MYO5B: variants seen among roughly 807,000 people sequenced by gnomAD.
MYO5B encodes the protein unconventional myosin-Vb.
MYO5B carries 143 observed loss-of-function variants against 229.3 expected under a neutral mutation model. The observed-to-expected ratio is 0.62, with a 90% CI of 0.54 to 0.72. The LOEUF is 0.72. Ranked by LOEUF, MYO5B falls within the 30% of genes least tolerant of loss-of-function variation. MYO5B has a pLI of 0.00. For missense variants in MYO5B, 2,321 were observed against 2,331.0 expected, an observed-to-expected ratio of 1.00 and a Z score of 0.09; for synonymous variants, 918 against 885.2, an observed-to-expected ratio of 1.04 and a Z score of -0.66.
chr18:50,194,708 T>G, intron 1 of MYO5B, 59 bp downstream of exon 1: 1 of 1,240,632 alleles, frequency 8.1e-7, no homozygotes. Flanking sequence ...CCCTGAGTAC[T>G]AGGTGGCCCC....
intron 1 of MYO5B, among the ~76,000 whole-genome samples, chr18:50,055,908 A>T (rs2030538113): frequency 6.6e-6 from 1 of 152,156 alleles, no homozygotes; most frequent in African/African-American, 2.4e-5. Context: ...AGCCACTTGA[A>T]TTTATCTGTC....
chr18:50,138,188 A>G (rs2032364033), intron 1 of MYO5B, among the ~76,000 whole-genome samples: 1 of 152,242 alleles, frequency 6.6e-6, no homozygotes, highest in Non-Finnish European at 1.5e-5. Context: ...CAACCTTCAC[A>G]TATACCCCGA....
intron 17 of MYO5B, among the ~76,000 whole-genome samples, chr18:49,924,890 A>G (rs1330968817): frequency 6.6e-6 from 1 of 152,202 alleles, no homozygotes; most frequent in East Asian, 1.9e-4. Flanking sequence ...CCTTTCTCCC[A>G]CAAATTGCCC....
At chr18:49,981,982 TAAGTC>T (rs2025820727) in intron 8 of MYO5B, among the ~76,000 whole-genome samples, 1 of 152,180 alleles carries the variant, frequency 6.6e-6, no homozygotes, top group African/African-American at 2.4e-5. Context: ...ATCTTGCTCT[TAAGTC>T]AAGTCCCATT....
At chr18:49,835,686 G>T (rs1480290130) in intron 38 of MYO5B, among the ~76,000 whole-genome samples, 1 of 152,094 alleles carries the variant, frequency 6.6e-6, no homozygotes, top group Non-Finnish European at 1.5e-5. Context: ...TATGCTCATT[G>T]GTATACACAA....
Position 49,828,593 on chromosome 18 carries a change from A to G in MYO5B, c.5395-1970T>C, listed in dbSNP as rs568633975. On this transcript the variant is annotated intron_variant, in intron 39 of 39. Coordinates refer to ENST00000285039, the MANE Select transcript of MYO5B (RefSeq NM_001080467.3). The stretch of plus-strand genomic sequence containing the variant: ...TAAACCAATTAGTCCTAACAAACAC[A>G]TATGGAACACCCCACTTAGCAGCAT... Among the ~76,000 whole-genome samples, 14 of 152,320 alleles carry G rather than the reference A, an allele frequency of 9.2e-5. No individual in the cohort carries two copies. In the South Asian group the frequency reaches 2.9e-3, roughly 32 times the overall value.
chr18:50,137,016 T>G (rs1173402715), intron 1 of MYO5B, among the ~76,000 whole-genome samples: 3 of 152,234 alleles, frequency 2.0e-5, no homozygotes, highest in Non-Finnish European at 2.9e-5. Flanking sequence ...AGGTAGGGTC[T>G]GGGAGGGAGG....
At chr18:50,066,629 A>C (rs930150481) in intron 1 of MYO5B, among the ~76,000 whole-genome samples, 1 of 152,220 alleles carries the variant, frequency 6.6e-6, no homozygotes, top group African/African-American at 2.4e-5. Context: ...TATCAGAAGG[A>C]AAAAATGTTC....
At position 49,843,401 on chromosome 18, in the gene MYO5B, A is replaced by G; in HGVS notation, c.4460-9T>C. 2 of 1,614,166 alleles carry G rather than the reference A, an allele frequency of 1.2e-6. No individual in the cohort carries two copies. The highest frequency in any genetic ancestry group is 2.2e-5 in the South Asian group (2 of 91,092). On this transcript the variant is annotated splice_polypyrimidine_tract_variant and intron_variant, in intron 33 of 39. Transcript: ENST00000285039. The stretch of plus-strand genomic sequence containing the variant: ...CATCTGGGGCTTCAAGTCTAAGGGC[A>G]ACGAGAGCAGCAAATGGCAAGTTAG...
chr18:49,994,555 CT>C (rs2025967070), intron 5 of MYO5B, among the ~76,000 whole-genome samples: 1 of 152,182 alleles, frequency 6.6e-6, no homozygotes. Context: ...TTGGATTGCT[CT>C]GAAGGGCATC....
At chr18:49,922,287 G>A (rs755744014) in intron 17 of MYO5B, among the ~76,000 whole-genome samples, 3 of 152,224 alleles carry the variant, frequency 2.0e-5, no homozygotes, top group Non-Finnish European at 4.4e-5. Context: ...GGATTAAGCA[G>A]TTAGGTAGCA....
At chr18:49,863,948 C>T (rs1355751136) in intron 28 of MYO5B, among the ~76,000 whole-genome samples, 193 bp downstream of exon 28, 2 of 152,222 alleles carry the variant, frequency 1.3e-5, no homozygotes, top group African/African-American at 4.8e-5. Context: ...AAGCTTGTAG[C>T]TGCATCCCCC....
intron 1 of MYO5B, among the ~76,000 whole-genome samples, chr18:50,088,486 A>T (rs1467688703): frequency 1.3e-5 from 2 of 152,236 alleles, no homozygotes; most frequent in African/African-American, 4.8e-5. Context: ...AAAATCTTTA[A>T]AACAATAATT....
At chr18:49,925,898 C>T (rs2025123918) in intron 17 of MYO5B, among the ~76,000 whole-genome samples, 1 of 152,184 alleles carries the variant, frequency 6.6e-6, no homozygotes, top group Non-Finnish European at 1.5e-5. Context: ...TTGCCTGAGC[C>T]CCATCCCCTC....
intron 22 of MYO5B, among the ~76,000 whole-genome samples, chr18:49,883,520 G>A (rs1456245656): frequency 2.0e-5 from 3 of 152,158 alleles, no homozygotes; most frequent in African/African-American, 7.2e-5. Flanking sequence ...TTGAGATAAT[G>A]GATCAAAACA....
chr18:49,969,429 A>G (rs887163783), intron 10 of MYO5B, among the ~76,000 whole-genome samples: 2 of 152,256 alleles, frequency 1.3e-5, no homozygotes, highest in Non-Finnish European at 2.9e-5. Flanking sequence ...GAACGTGAGG[A>G]AATATTTGCA....
intron 1 of MYO5B, among the ~76,000 whole-genome samples, chr18:50,072,795 G>C (rs189128737): frequency 3.9e-5 from 6 of 152,118 alleles, no homozygotes; most frequent in Non-Finnish European, 7.3e-5. Flanking sequence ...CCAGCTCACC[G>C]AGATGCCAAT....
intron 22 of MYO5B, 32 bp from the exon 23 acceptor site, chr18:49,880,487 ATG>A: frequency 6.4e-7 from 1 of 1,558,802 alleles, no homozygotes; most frequent in Non-Finnish European, 8.9e-7. Context: ...AAAATGTCTC[ATG>A]ATGCTGGGAA....
chr18:49,844,895 T>C (rs1429924154), intron 33 of MYO5B, among the ~76,000 whole-genome samples: 1 of 152,248 alleles, frequency 6.6e-6, no homozygotes, highest in African/African-American at 2.4e-5. Context: ...ACACTAGTTT[T>C]ATTTCTCCTC....
Sources: gnomAD v4.1 joint callset for allele counts (sites outside exome capture counted in the v4.1 genomes callset) on GRCh38, gnomAD v4.1.1 for gene constraint, MANE v1.5 for transcripts, NCBI Gene and HGNC (gene_info 2026-07-23, HGNC 2026-07-21) for gene names.